The following EMC4 variants were observed in gnomAD, a reference collection of about 807,000 sequenced individuals.
EMC4 encodes the protein cell proliferation-inducing gene 17 protein.
Under a neutral mutation model 24.2 loss-of-function variants are expected in EMC4, and 9 were observed. The observed-to-expected ratio is 0.37, with a 90% CI of 0.22 to 0.65. The LOEUF (loss-of-function observed/expected upper bound fraction) is 0.65. Ranked by LOEUF, EMC4 falls within the 30% of genes least tolerant of loss-of-function variation. The pLI is 0.59. For missense variants in EMC4, 169 were observed against 234.6 expected, an observed-to-expected ratio of 0.72 and a Z score of 1.83; for synonymous variants, 86 against 81.1, an observed-to-expected ratio of 1.06 and a Z score of -0.32.
chr15:34,230,077 G>T lies in EMC4; in HGVS notation c.*289G>T. On this transcript the variant is annotated 3_prime_UTR_variant, in exon 5 of 5. Transcript: ENST00000267750. ...AAAAAACATAACTATGTAAACAAGAGAATAACTGCTGCTAAATCAAGAACT... is the reference window on the plus strand; with the variant it reads ...AAAAAACATAACTATGTAAACAAGATAATAACTGCTGCTAAATCAAGAACT... 1 of 400,770 alleles carries T rather than the reference G, an allele frequency of 2.5e-6. No homozygotes were observed. Among genetic ancestry groups the T allele is most frequent in the South Asian group, 5.8e-5 (1 of 17,278 alleles). The allele number at this position is 400,770 out of a possible 1,614,324, so 24.8% of individuals were successfully genotyped here. A position where few individuals can be genotyped will look rare whatever the true frequency, so the allele number is the denominator to read the frequency against.
rs146643650 is a variant in EMC4, at chr15:34,225,245, T to G, written c.86+45T>G. The G allele has an allele frequency of 5.9e-4, 862 of 1,451,502 alleles. 2 individuals carry two copies. In the African/African-American group the frequency reaches 0.011, roughly 19 times the overall value. 89.9% of individuals were successfully genotyped at this position (1,451,502 alleles called of 1,614,324 possible). On this transcript the variant is annotated intron_variant, in intron 1 of 4. Transcript: ENST00000267750. ...TGTACATCACTGTTCATCCCAGAACTGCACCAGAGTAATGAGACCTGAGCC... is the reference window on the plus strand; with the variant it reads ...TGTACATCACTGTTCATCCCAGAACGGCACCAGAGTAATGAGACCTGAGCC...
intron 4 of EMC4, chr15:34,228,972 G>A (rs1434613926): frequency 1.5e-5 from 3 of 195,986 alleles, no homozygotes; most frequent in South Asian, 9.5e-5. Context: ...ACAGGCGTGA[G>A]CCACTGCGCC....
chr15:34,225,048 T>G lies in EMC4; in HGVS notation c.-67T>G, dbSNP rs534243691. Reference sequence around the variant, plus strand: ...CAGAGTGAGACAAAGCGGAGAACGCTGGTGGGCCTGTTGTGGAGTACGCTT... The same window carrying G: ...CAGAGTGAGACAAAGCGGAGAACGCGGGTGGGCCTGTTGTGGAGTACGCTT... On this transcript the variant is annotated 5_prime_UTR_variant, in exon 1 of 5. Transcript: ENST00000267750. The G allele has an allele frequency of 2.3e-6, 3 of 1,297,210 alleles. No individual in the cohort carries two copies. The East Asian group carries it at 7.5e-5, about 33-fold the overall frequency. The allele number at this position is 1,297,210 out of a possible 1,614,324, so 80.4% of individuals were successfully genotyped here. A position where few individuals can be genotyped will look rare whatever the true frequency, so the allele number is the denominator to read the frequency against.
Position 34,230,088 on chromosome 15 carries a change from G to T in EMC4, c.*300G>T. The T allele has an allele frequency of 2.6e-6, 1 of 378,352 alleles. No individual in the cohort carries two copies. Among genetic ancestry groups the T allele is most frequent in the Non-Finnish European group, 4.7e-6 (1 of 212,266 alleles). 23.4% of individuals were successfully genotyped at this position (378,352 alleles called of 1,614,324 possible). On this transcript the variant is annotated 3_prime_UTR_variant, in exon 5 of 5. Transcript: ENST00000267750. ...CTATGTAAACAAGAGAATAACTGCT[G>T]CTAAATCAAGAACTGTTGCAGCATC... is the stretch of plus-strand genomic sequence containing the variant.
intron 4 of EMC4, chr15:34,228,808 C>T: frequency 5.9e-6 from 2 of 341,232 alleles, no homozygotes; most frequent in Non-Finnish European, 5.3e-6. Flanking sequence ...CCTCAGCCTT[C>T]CAAGTAGCTG....
chr15:34,229,714 T>C lies in EMC4; in HGVS notation c.517-39T>C, dbSNP rs1890787936. Reference sequence around the variant, plus strand: ...ATTCAGGAAGTTATTTTAACACTCATTTGCCACTCACCTATTTATTCTTTC... The same window carrying C: ...ATTCAGGAAGTTATTTTAACACTCACTTGCCACTCACCTATTTATTCTTTC... On this transcript the variant is annotated intron_variant, in intron 4 of 4. Transcript: ENST00000267750. The C allele has an allele frequency of 8.2e-6, 9 of 1,103,202 alleles. No individual in the cohort carries two copies. In the South Asian group the frequency reaches 1.1e-4, roughly 13 times the overall value. 68.3% of individuals were successfully genotyped at this position (1,103,202 alleles called of 1,614,324 possible).
chr15:34,229,325 G>A lies in EMC4; in HGVS notation c.517-428G>A, dbSNP rs572361829. ...GGCCTCCCAAAGTGCTGGGATTACAGGTGTGAGCCACCATGCCTGGCCAAG... is the reference window on the plus strand; with the variant it reads ...GGCCTCCCAAAGTGCTGGGATTACAAGTGTGAGCCACCATGCCTGGCCAAG... On this transcript the variant is annotated intron_variant, in intron 4 of 4. Coordinates refer to ENST00000267750, the MANE Select transcript of EMC4 (RefSeq NM_016454.4). The A allele has an allele frequency of 1.8e-3, 276 of 157,046 alleles. 1 individual carries two copies. Among genetic ancestry groups the A allele is most frequent in the Non-Finnish European group, 2.9e-4 (21 of 71,826 alleles). 9.7% of individuals were successfully genotyped at this position (157,046 alleles called of 1,614,324 possible).
chr15:34,225,522 G>A lies in EMC4; in HGVS notation c.87-14G>A, dbSNP rs756125522. The A allele has an allele frequency of 6.2e-7, 1 of 1,603,868 alleles. No homozygotes were observed. Among genetic ancestry groups the A allele is most frequent in the Admixed American group, 1.7e-5 (1 of 59,938 alleles). ...CGGAGGTTGCAGCTTTAGTTTCTTGGTTTGGTTTTTTAGGGGTCGAAGTGA... is the reference window on the plus strand; with the variant it reads ...CGGAGGTTGCAGCTTTAGTTTCTTGATTTGGTTTTTTAGGGGTCGAAGTGA... On this transcript the variant is annotated splice_polypyrimidine_tract_variant and intron_variant, in intron 1 of 4. Transcript: ENST00000267750.
intron 2 of EMC4, chr15:34,226,850 C>G (rs981774463): frequency 6.6e-6 from 1 of 152,208 alleles, no homozygotes; most frequent in South Asian, 2.1e-4. Flanking sequence ...GGCCACATTG[C>G]CATTACTTTT....
At chr15:34,225,845 G>T in intron 2 of EMC4, 195 bp downstream of exon 2, 1 of 645,696 alleles carries the variant, frequency 1.5e-6, no homozygotes, top group Non-Finnish European at 2.9e-6. Flanking sequence ...GAAGATGTTT[G>T]GAACATAAGG....
At chr15:34,227,517 G>A (rs1332976591) in intron 2 of EMC4, 176 bp from the exon 3 acceptor site, 16 of 580,972 alleles carry the variant, frequency 2.8e-5, no homozygotes, top group Non-Finnish European at 4.0e-5. Context: ...TTTATCTTGA[G>A]TAGGAGAGCC....
At chr15:34,226,115 C>T in intron 2 of EMC4, 1 of 300,050 alleles carries the variant, frequency 3.3e-6, no homozygotes, top group East Asian at 8.2e-5. Context: ...TGGTCTTGAA[C>T]TCCTGACCTC....
chr15:34,226,111 T>A (rs1890644219), intron 2 of EMC4: 1 of 311,600 alleles, frequency 3.2e-6, no homozygotes, highest in African/African-American at 2.2e-5. Flanking sequence ...AGGCTGGTCT[T>A]GAACTCCTGA....
In EMC4 at chr15:34,228,484, C is replaced by T. The variant is rs376299788; in HGVS notation, c.411C>T (p.Leu137=). 1.9e-6 allele frequency: 3 copies of T among 1,613,986 alleles called. No homozygotes were observed. The highest frequency in any genetic ancestry group is 3.3e-5 in the Admixed American group (2 of 60,000). ...AGTTTCTTCAGGGTTTGGTCTATCTCATTGGGAACCTGATGGGTTTGGCAT... is the reference window on the plus strand; with the variant it reads ...AGTTTCTTCAGGGTTTGGTCTATCTTATTGGGAACCTGATGGGTTTGGCAT... ...SQKFLQGLVY[L]IGNLMGLALA... Residue 137 remains leucine (L), a synonymous_variant, in exon 4 of 5, where the codon CTC becomes CTT. Transcript: ENST00000267750.
In EMC4 at chr15:34,228,666, T is replaced by G. The variant is rs560487081; in HGVS notation, c.516+77T>G. 3.6e-6 allele frequency: 4 copies of G among 1,102,006 alleles called. No homozygotes were observed. In the South Asian group the frequency reaches 4.9e-5, roughly 14 times the overall value. The allele number at this position is 1,102,006 out of a possible 1,614,324, so 68.3% of individuals were successfully genotyped here. On this transcript the variant is annotated intron_variant, in intron 4 of 4. Coordinates refer to ENST00000267750, the MANE Select transcript of EMC4 (RefSeq NM_016454.4). ...GCTGACCTACTTGATGGTAGGAAAT[T>G]GGAGTTGGTATTTGAGTTTCTTTTT...
At chr15:34,227,182 G>C (rs1890670318) in intron 2 of EMC4, 1 of 152,362 alleles carries the variant, frequency 6.6e-6, no homozygotes, top group South Asian at 2.1e-4. Context: ...TGTTTGAAAA[G>C]AATGTGAATT....
chr15:34,225,520 T>C lies in EMC4; in HGVS notation c.87-16T>C, dbSNP rs1484878627. On this transcript the variant is annotated splice_polypyrimidine_tract_variant and intron_variant, in intron 1 of 4. Transcript: ENST00000267750. Reference sequence around the variant, plus strand: ...ATCGGAGGTTGCAGCTTTAGTTTCTTGGTTTGGTTTTTTAGGGGTCGAAGT... The same window carrying C: ...ATCGGAGGTTGCAGCTTTAGTTTCTCGGTTTGGTTTTTTAGGGGTCGAAGT... 1 of 1,596,098 alleles carries C rather than the reference T, an allele frequency of 6.3e-7. No homozygotes were observed.
chr15:34,227,601 G>A (rs1048394438), intron 2 of EMC4, 92 bp from the exon 3 acceptor site: 1 of 1,385,398 alleles, frequency 7.2e-7, no homozygotes, highest in African/African-American at 1.4e-5. Context: ...AGGGAGTTGG[G>A]AATTCCGTTC....
In EMC4 at chr15:34,225,169, A is replaced by G; in HGVS notation, c.55A>G (p.Ile19Val). 6.4e-7 allele frequency: 1 copy of G among 1,551,530 alleles called. No homozygotes were observed. Among genetic ancestry groups the G allele is most frequent in the Non-Finnish European group, 8.7e-7 (1 of 1,146,898 alleles). Residue 19 changes from isoleucine to valine, a missense_variant, in exon 1 of 5, where the codon ATT (isoleucine) becomes GTT (valine). Transcript: ENST00000267750. ...ANRGRRFKWA[I>V]ELSGPGGGSR... ...CCGAGGCCGGCGCTTCAAGTGGGCC[A>G]TTGAGCTAAGCGGGCCTGGAGGAGG... is the stretch of plus-strand genomic sequence containing the variant.
Sources: gnomAD v4.1 joint callset for allele counts on GRCh38, gnomAD v4.1.1 for gene constraint, MANE v1.5 for transcripts, NCBI Gene and HGNC (gene_info 2026-07-23, HGNC 2026-07-21) for gene names.